The following ABCG1 variants were observed in gnomAD, a reference collection of about 807,000 sequenced individuals.
The protein encoded by ABCG1 is ATP binding cassette subfamily G member 1, also known as ATP-binding cassette sub-family G member 1.
Under a neutral mutation model 69.2 loss-of-function variants are expected in ABCG1, and 29 were observed. The ratio of observed to expected loss-of-function variants is 0.42; its 90% CI spans 0.31 to 0.57. The LOEUF (loss-of-function observed/expected upper bound fraction) is 0.57, where lower values mean the gene tolerates loss of function less well. Ranked by LOEUF, ABCG1 falls within the 20% of genes least tolerant of loss-of-function variation. ABCG1 has a pLI of 0.15. For synonymous variants in ABCG1, 370 were observed against 374.8 expected (o/e 0.99, Z 0.15); for missense variants, 718 against 898.1 (o/e 0.80, Z 2.56).
At chr21:42,241,394 C>T (rs982599494) in intron 2 of ABCG1, among the ~76,000 whole-genome samples, 3 of 152,108 alleles carry the variant, frequency 2.0e-5, no homozygotes, top group Non-Finnish European at 4.4e-5. Context: ...TACTTGAGGT[C>T]AGGAGTTTGA....
Position 42,282,316 on chromosome 21 carries a change from A to C in ABCG1, c.631A>C (p.Asn211His). The C allele has an allele frequency of 6.2e-7, 1 of 1,613,220 alleles. No homozygotes were observed. The highest frequency in any genetic ancestry group is 8.5e-7 in the Non-Finnish European group (1 of 1,179,998). The change falls in exon 6 of 15, where the codon AAC becomes CAC. Residue 211 changes from asparagine (N) to histidine (H), a missense_variant. Around this residue, in one of 2 missense-constraint regions of ABCG1, gnomAD observed 514 missense variants for 574.3 expected, o/e 0.90. Coordinates refer to ENST00000398449, the MANE Select transcript of ABCG1 (RefSeq NM_016818.3). The stretch of plus-strand genomic sequence containing the variant: ...AGCGCTGGGCTTGCTGTCTTGCGCC[A>C]ACACGCGGACCGGGAGCCTGTCAGG... The part of the protein sequence containing the change: ...LTALGLLSCA[N>H]TRTGSLSGGQ...
intron 2 of ABCG1, among the ~76,000 whole-genome samples, chr21:42,265,942 G>C (rs1052450351): frequency 6.6e-6 from 1 of 152,172 alleles, no homozygotes; most frequent in Non-Finnish European, 1.5e-5. Flanking sequence ...CCTGGACAGG[G>C]TTCTTCTCTC....
chr21:42,285,711 T>A (rs769268589), intron 7 of ABCG1, among the ~76,000 whole-genome samples, 169 bp from the exon 8 acceptor site: 7 of 152,038 alleles, frequency 4.6e-5, no homozygotes, highest in Non-Finnish European at 8.8e-5. Flanking sequence ...TCCCTTCAGA[T>A]GTTAATAGGG....
intron 2 of ABCG1, among the ~76,000 whole-genome samples, chr21:42,237,247 A>G (rs1294271149): frequency 2.0e-5 from 3 of 152,200 alleles, no homozygotes; most frequent in Non-Finnish European, 4.4e-5. Flanking sequence ...AATTTCAAAG[A>G]GCTTAGCCTG....
chr21:42,282,337 T>G lies in ABCG1; in HGVS notation c.652T>G (p.Ser218Ala), dbSNP rs139214949. 2.5e-6 allele frequency: 4 copies of G among 1,613,714 alleles called. No homozygotes were observed. Among genetic ancestry groups the G allele is most frequent in the Non-Finnish European group, 3.4e-6 (4 of 1,180,028 alleles). Residue 218 changes from serine (S) to alanine (A), a missense_variant, in exon 6 of 15, where the codon TCA (serine) becomes GCA (alanine). By Grantham distance (99) the Ser-to-Ala change is moderately conservative (BLOSUM62 1). This residue lies in a region of ABCG1 where 514 missense variants were observed against 574.3 expected (regional missense o/e 0.90). Transcript: ENST00000398449. ...CGCCAACACGCGGACCGGGAGCCTG[T>G]CAGGTGGTCAGCGCAAGCGCCTGGC... ...SCANTRTGSLSGGQRKRLAIA... is the reference protein window; with the variant it reads ...SCANTRTGSLAGGQRKRLAIA...
chr21:42,206,351 A>AAAATAAAT (rs79957854), intron 2 of ABCG1, among the ~76,000 whole-genome samples: 5,837 of 149,062 alleles, frequency 0.039, 148 homozygotes, highest in Non-Finnish European at 0.056. Flanking sequence ...CTCTGTCTCA[A>AAAATAAAT]AAATAAATAA....
At position 42,231,006 on chromosome 21, in the gene ABCG1, C is replaced by T. The variant is rs367555704; in HGVS notation, c.286+5092C>T. ...ACAGGACTGGACCACCAAGGCACAGCTGTGCCTAGCCCCGTGTTATGAAAT... is the reference window on the plus strand; with the variant it reads ...ACAGGACTGGACCACCAAGGCACAGTTGTGCCTAGCCCCGTGTTATGAAAT... On this transcript the variant is annotated intron_variant, in intron 2 of 14. Coordinates refer to ENST00000398449, the MANE Select transcript of ABCG1 (RefSeq NM_016818.3). Among the ~76,000 whole-genome samples, 59 of 152,378 alleles carry T rather than the reference C, an allele frequency of 3.9e-4. No individual in the cohort carries two copies. The East Asian group carries it at 6.9e-3, about 18-fold the overall frequency.
chr21:42,250,282 C>G (rs1214997012), intron 2 of ABCG1, among the ~76,000 whole-genome samples: 1 of 152,106 alleles, frequency 6.6e-6, no homozygotes, highest in Admixed American at 6.6e-5. Flanking sequence ...GCAGAGTGGA[C>G]CCAGCTCTTT....
At chr21:42,269,283 C>T (rs1043293569) in intron 2 of ABCG1, among the ~76,000 whole-genome samples, 8 of 152,136 alleles carry the variant, frequency 5.3e-5, no homozygotes, top group African/African-American at 1.4e-4. Flanking sequence ...CCCGAAGTGC[C>T]GCAGTACTCC....
upstream of ABCG1, among the ~76,000 whole-genome samples, chr21:42,212,914 C>A (rs575964926): frequency 1.3e-5 from 2 of 152,080 alleles, no homozygotes; most frequent in African/African-American, 4.8e-5. Flanking sequence ...AGGATGGTCT[C>A]GATCTCCTGA....
Position 42,276,872 on chromosome 21 carries a change from A to G in ABCG1, c.538-23A>G. ...CAGTGGCCGTCTGTTCTGCTTCCACACTGTTGTCCTTGTCCCCTGCAGGTG... is the reference window on the plus strand; with the variant it reads ...CAGTGGCCGTCTGTTCTGCTTCCACGCTGTTGTCCTTGTCCCCTGCAGGTG... On this transcript the variant is annotated intron_variant, in intron 4 of 14. Transcript: ENST00000398449. The surrounding 1 kb of genome is among the most constrained non-coding windows in gnomAD (Gnocchi z 5.3). 1 of 1,613,728 alleles carries G rather than the reference A, an allele frequency of 6.2e-7. No homozygotes were observed. The highest frequency in any genetic ancestry group is 8.5e-7 in the Non-Finnish European group (1 of 1,179,802).
At position 42,219,897 on chromosome 21, in the gene ABCG1, C is replaced by G. The variant is rs79587949; in HGVS notation, c.42+593C>G. ...GCGGCGGCGAAGGCCCGGGGAGACCCGCGAGGGGCAAGCCCGGATTCCTGC... is the reference window on the plus strand; with the variant it reads ...GCGGCGGCGAAGGCCCGGGGAGACCGGCGAGGGGCAAGCCCGGATTCCTGC... On this transcript the variant is annotated intron_variant, in intron 1 of 14. Transcript: ENST00000398449. The surrounding 1 kb of genome is among the most constrained non-coding windows in gnomAD (Gnocchi z 5.3). 2.3e-5 allele frequency: 35 copies of G among 1,546,866 alleles called. No homozygotes were observed. Among genetic ancestry groups the G allele is most frequent in the Non-Finnish European group, 3.0e-5 (34 of 1,146,012 alleles).
chr21:42,279,112 T>C (rs1384539643), intron 5 of ABCG1, among the ~76,000 whole-genome samples: 1 of 151,952 alleles, frequency 6.6e-6, no homozygotes, highest in Non-Finnish European at 1.5e-5. Context: ...ATCCAATCTC[T>C]TTGTCTCGGA....
At chr21:42,289,979 G>A (rs947200022) in intron 10 of ABCG1, 71 bp from the exon 11 acceptor site, 72 of 1,573,052 alleles carry the variant, frequency 4.6e-5, no homozygotes, top group South Asian at 4.3e-4. Context: ...TCCAAAGGCC[G>A]CATCCGGGTT....
At chr21:42,294,919 G>A (rs565960115) in intron 14 of ABCG1, 7 of 435,802 alleles carry the variant, frequency 1.6e-5, no homozygotes, top group African/African-American at 6.0e-5. Context: ...TGTTCTGGAC[G>A]TTGCCGAGAG....
chr21:42,292,777 A>G (rs1404200007), intron 13 of ABCG1, among the ~76,000 whole-genome samples: 1 of 148,040 alleles, frequency 6.8e-6, no homozygotes, highest in African/African-American at 2.5e-5. Flanking sequence ...CACACACCAC[A>G]CTACACACCA....
intron 2 of ABCG1, among the ~76,000 whole-genome samples, chr21:42,254,346 G>A (rs185499601): frequency 1.6e-4 from 25 of 152,200 alleles, no homozygotes; most frequent in East Asian, 7.7e-4. Context: ...TTCTCCTGGC[G>A]CCAGAGTGGG....
At chr21:42,243,975 C>T (rs8127035) in intron 2 of ABCG1, among the ~76,000 whole-genome samples, 10 of 151,874 alleles carry the variant, frequency 6.6e-5, no homozygotes, top group African/African-American at 1.7e-4. Context: ...CCCGCCACCA[C>T]GCCCGGCTAA....
Position 42,219,865 on chromosome 21 carries a change from C to A in ABCG1, c.42+561C>A. ...GGGGACACCCTCTCCCGGACCCACT[C>A]GGGGAGGCGGCGGCGAAGGCCCGGG... On this transcript the variant is annotated intron_variant, in intron 1 of 14. Transcript: ENST00000398449. The surrounding 1 kb of genome is among the most constrained non-coding windows in gnomAD (Gnocchi z 5.3). The A allele has an allele frequency of 1.3e-6, 2 of 1,533,128 alleles. No homozygotes were observed. Among genetic ancestry groups the A allele is most frequent in the South Asian group, 1.2e-5 (1 of 82,616 alleles). 95.0% of individuals were successfully genotyped at this position (1,533,128 alleles called of 1,614,324 possible).
Sources: allele counts gnomAD v4.1 joint callset (sites outside exome capture counted in the v4.1 genomes callset), GRCh38; gene constraint gnomAD v4.1.1; regional missense constraint gnomAD v4.1.1; non-coding constraint Gnocchi (gnomAD v3.1); transcripts MANE v1.5; gene names NCBI Gene and HGNC (gene_info 2026-07-23, HGNC 2026-07-21).